ADK: variants seen among roughly 807,000 people sequenced by gnomAD.
ADK encodes the protein N6,N6-dimethyladenosine kinase.
Under a neutral mutation model 44.7 loss-of-function variants are expected in ADK, and 24 were observed. That is an observed-to-expected ratio of 0.54 (90% CI 0.39 to 0.76). ADK has a LOEUF of 0.76. ADK is among the 30% of genes least tolerant of loss of function. The pLI is 0.00. For synonymous variants in ADK, 128 were observed against 142.6 expected (o/e 0.90, Z 0.73); for missense variants, 321 against 425.1 (o/e 0.76, Z 2.15).
chr10:74,195,923 C>T (rs994517368), intron 1 of ADK, among the ~76,000 whole-genome samples: 7 of 151,740 alleles, frequency 4.6e-5, no homozygotes, highest in South Asian at 2.1e-4. Context: ...GCAATGCGCC[C>T]GCCTCAGCCT....
intron 6 of ADK, chr10:74,508,521 A>G (rs1233867605): frequency 6.6e-6 from 1 of 152,238 alleles, no homozygotes; most frequent in African/African-American, 2.4e-5. Flanking sequence ...GAGAGACATT[A>G]TTATTCCCAT....
intron 9 of ADK, among the ~76,000 whole-genome samples, chr10:74,613,466 G>C (rs991963061): frequency 3.9e-5 from 6 of 151,998 alleles, no homozygotes; most frequent in Middle Eastern, 3.2e-3. Context: ...CACACTTACA[G>C]GCAATCTACA....
intron 8 of ADK, among the ~76,000 whole-genome samples, chr10:74,598,776 T>C (rs563685756): frequency 1.3e-5 from 2 of 152,264 alleles, no homozygotes; most frequent in African/African-American, 4.8e-5. Flanking sequence ...TTATTCCTTA[T>C]ATCACCTTGA....
chr10:74,329,048 A>G (rs1025104976), intron 4 of ADK, among the ~76,000 whole-genome samples: 7 of 149,704 alleles, frequency 4.7e-5, no homozygotes, highest in Non-Finnish European at 8.9e-5. Flanking sequence ...CTAGAACTTA[A>G]AGTATAATAA....
chr10:74,279,103 A>G (rs1032632167), intron 3 of ADK, among the ~76,000 whole-genome samples: 8 of 149,866 alleles, frequency 5.3e-5, no homozygotes, highest in African/African-American at 2.0e-4. Context: ...AGATGGTGAA[A>G]CCTCATCTCT....
chr10:74,627,519 G>A (rs939124400), intron 9 of ADK, among the ~76,000 whole-genome samples: 4 of 151,316 alleles, frequency 2.6e-5, no homozygotes, highest in Non-Finnish European at 5.9e-5. Flanking sequence ...CAGGTTTATC[G>A]ATTTTTAATT....
At chr10:74,596,067 A>G (rs1395179210) in intron 8 of ADK, among the ~76,000 whole-genome samples, 1 of 151,990 alleles carries the variant, frequency 6.6e-6, no homozygotes, top group African/African-American at 2.4e-5. Context: ...TTAAGAAAAA[A>G]TAGCAAACTT....
chr10:74,572,869 C>T (rs1002991802), intron 7 of ADK, among the ~76,000 whole-genome samples: 27 of 152,142 alleles, frequency 1.8e-4, no homozygotes, highest in Non-Finnish European at 3.1e-4. Flanking sequence ...CCTTTAAGCA[C>T]TTCTCTATAT....
intron 3 of ADK, among the ~76,000 whole-genome samples, chr10:74,273,202 G>A (rs1400455220): frequency 6.6e-6 from 1 of 151,672 alleles, no homozygotes; most frequent in Admixed American, 6.6e-5. Flanking sequence ...GCCTTAAGCT[G>A]TCAGCTCCTT....
intron 6 of ADK, among the ~76,000 whole-genome samples, chr10:74,522,513 T>C (rs546420572): frequency 2.6e-5 from 4 of 152,294 alleles, no homozygotes; most frequent in Middle Eastern, 3.4e-3. Flanking sequence ...TCTCAGAATA[T>C]GTATAAAGGC....
At chr10:74,152,207 C>T (rs768681027) in intron 1 of ADK, among the ~76,000 whole-genome samples, 1 of 152,114 alleles carries the variant, frequency 6.6e-6, no homozygotes, top group Non-Finnish European at 1.5e-5. Context: ...TCTTCTTCAC[C>T]TCCAAAGGAA....
chr10:74,404,009 A>G (rs1164243009), intron 6 of ADK, among the ~76,000 whole-genome samples: 1 of 152,000 alleles, frequency 6.6e-6, no homozygotes, highest in East Asian at 1.9e-4. Flanking sequence ...AGTAGCTGGG[A>G]CTGCACGTGC....
intron 4 of ADK, among the ~76,000 whole-genome samples, chr10:74,325,327 T>G (rs1040403626): frequency 2.3e-4 from 35 of 152,308 alleles, no homozygotes; most frequent in African/African-American, 8.2e-4. Flanking sequence ...TTTTGTATGT[T>G]TATTTTGTGT....
intron 6 of ADK, among the ~76,000 whole-genome samples, chr10:74,478,400 T>A (rs971957995): frequency 4.6e-5 from 7 of 152,102 alleles, no homozygotes; most frequent in African/African-American, 7.2e-5. Context: ...TTAAAAAAAA[T>A]TTTCATAGAG....
intron 9 of ADK, chr10:74,655,580 G>A (rs749782028): frequency 2.1e-6 from 1 of 474,446 alleles, no homozygotes; most frequent in Admixed American, 2.6e-5. Context: ...AGAGGTGGGG[G>A]TACCTACTGT....
intron 9 of ADK, among the ~76,000 whole-genome samples, chr10:74,658,671 C>A (rs1429284431): frequency 1.3e-5 from 2 of 152,094 alleles, no homozygotes; most frequent in South Asian, 2.1e-4. Context: ...TCAAGCGATT[C>A]TCCTGTCTCA....
chr10:74,402,296 G>T (rs948883031), intron 6 of ADK, among the ~76,000 whole-genome samples: 2 of 152,134 alleles, frequency 1.3e-5, no homozygotes, highest in African/African-American at 4.8e-5. Context: ...TGCCTTGCTA[G>T]GTTGGGGACA....
chr10:74,500,193 T>A (rs1490754851), intron 6 of ADK, among the ~76,000 whole-genome samples: 2 of 152,202 alleles, frequency 1.3e-5, no homozygotes, highest in Non-Finnish European at 2.9e-5. Flanking sequence ...CCAGATCATA[T>A]TAGAACTGCC....
intron 1 of ADK, among the ~76,000 whole-genome samples, chr10:74,171,361 T>C (rs149325173): frequency 5.3e-4 from 80 of 152,344 alleles, no homozygotes; most frequent in African/African-American, 1.9e-3. Flanking sequence ...ATGAGAGTGC[T>C]TGTTTTATCG....
Sources: allele counts gnomAD v4.1 joint callset (sites outside exome capture counted in the v4.1 genomes callset), GRCh38; gene constraint gnomAD v4.1.1; transcripts MANE v1.5; gene names NCBI Gene and HGNC (gene_info 2026-07-23, HGNC 2026-07-21).